Variants in HDAC9 observed in about 807,000 individuals in gnomAD.
HDAC9 encodes the protein MEF-2 interacting transcription repressor (MITR) protein.
HDAC9 carries 41 observed loss-of-function variants against 139.4 expected under a neutral mutation model. The observed-to-expected ratio is 0.29, with a 90% CI of 0.23 to 0.38. The LOEUF (loss-of-function observed/expected upper bound fraction) is 0.38. Among genes scored for constraint, HDAC9 ranks in the 10% least tolerant of loss-of-function variants. The pLI is 1.00. For synonymous variants in HDAC9, 517 were observed against 476.2 expected, an observed-to-expected ratio of 1.09 and a Z score of -1.12; for missense variants, 1,147 against 1,297.0, an observed-to-expected ratio of 0.88 and a Z score of 1.78.
At chr7:18,890,400 T>C (rs1800573784) in intron 22 of HDAC9, among the ~76,000 whole-genome samples, 1 of 152,254 alleles carries the variant, frequency 6.6e-6, no homozygotes, top group East Asian at 1.9e-4. Flanking sequence ...ACACGAGTCA[T>C]AGAGTTTTGG....
intron 1 of HDAC9, among the ~76,000 whole-genome samples, chr7:18,113,303 ATC>A (rs1291583255): frequency 6.6e-6 from 1 of 152,230 alleles, no homozygotes. Context: ...TGCTGATTTA[ATC>A]TCTGAACTAT....
chr7:18,609,533 A>G (rs1032142832), intron 6 of HDAC9, among the ~76,000 whole-genome samples: 7 of 152,162 alleles, frequency 4.6e-5, no homozygotes, highest in Admixed American at 1.3e-4. Flanking sequence ...CTGAGTTTGA[A>G]CACAAGTCTT....
intron 1 of HDAC9, among the ~76,000 whole-genome samples, chr7:18,477,177 A>G (rs1296379516): frequency 6.6e-6 from 1 of 152,156 alleles, no homozygotes; most frequent in Admixed American, 6.6e-5. Flanking sequence ...ATCCTTCATT[A>G]AACAGATTAA....
intron 12 of HDAC9, among the ~76,000 whole-genome samples, chr7:18,718,537 T>C (rs186911954): frequency 0.011 from 1,638 of 152,232 alleles, 26 homozygotes; most frequent in African/African-American, 0.037. Context: ...CTGGCAGGTG[T>C]GTGGTCTTTT....
intron 12 of HDAC9, among the ~76,000 whole-genome samples, chr7:18,677,366 A>G: frequency 6.7e-6 from 1 of 149,400 alleles, no homozygotes; most frequent in African/African-American, 2.5e-5. Flanking sequence ...GATATGCCAC[A>G]ATTTGTTTAT....
chr7:18,145,602 A>T (rs1786256470), intron 1 of HDAC9, among the ~76,000 whole-genome samples: 1 of 152,228 alleles, frequency 6.6e-6, no homozygotes, highest in Admixed American at 6.5e-5. Flanking sequence ...ATATATTAGT[A>T]CTATAACAAA....
chr7:18,840,153 C>T (rs188920251), intron 21 of HDAC9, among the ~76,000 whole-genome samples: 1 of 152,080 alleles, frequency 6.6e-6, no homozygotes, highest in Admixed American at 6.6e-5. Context: ...TTTAGCAGGT[C>T]TTAATGAAAT....
intron 2 of HDAC9, among the ~76,000 whole-genome samples, chr7:18,179,367 A>G (rs1388676018): frequency 6.6e-6 from 1 of 152,180 alleles, no homozygotes; most frequent in African/African-American, 2.4e-5. Flanking sequence ...TAATTCTTAA[A>G]CTACAAGGTA....
chr7:18,883,122 CTG>C (rs900342188), intron 22 of HDAC9, among the ~76,000 whole-genome samples: 3 of 152,106 alleles, frequency 2.0e-5, no homozygotes, highest in Non-Finnish European at 4.4e-5. Flanking sequence ...TGCCTAAAAA[CTG>C]TGCATTTTGT....
chr7:18,904,781 T>C (rs1233992931), intron 22 of HDAC9, among the ~76,000 whole-genome samples: 1 of 152,078 alleles, frequency 6.6e-6, no homozygotes, highest in African/African-American at 2.4e-5. Context: ...TTCACCATGT[T>C]AGCCAGGATG....
chr7:18,564,633 C>A (rs1821693438), intron 2 of HDAC9, among the ~76,000 whole-genome samples: 1 of 152,066 alleles, frequency 6.6e-6, no homozygotes, highest in African/African-American at 2.4e-5. Flanking sequence ...GTTTATATTT[C>A]TTCCAAGTAT....
intron 22 of HDAC9, among the ~76,000 whole-genome samples, chr7:18,883,832 A>G (rs1173911404): frequency 6.6e-6 from 1 of 152,150 alleles, no homozygotes; most frequent in African/African-American, 2.4e-5. Flanking sequence ...CAATAATTAA[A>G]TACAGTAAAC....
chr7:18,744,756 A>G (rs975462979), intron 13 of HDAC9, among the ~76,000 whole-genome samples: 5 of 152,218 alleles, frequency 3.3e-5, no homozygotes, highest in African/African-American at 1.2e-4. Context: ...GATGCTACAA[A>G]TACATTATCT....
At chr7:18,256,952 G>T (rs1362963562) in intron 2 of HDAC9, among the ~76,000 whole-genome samples, 1 of 151,884 alleles carries the variant, frequency 6.6e-6, no homozygotes, top group Non-Finnish European at 1.5e-5. Context: ...AACCAGGCAT[G>T]GTGGTGCATA....
chr7:18,804,365 A>G (rs1793536596), intron 17 of HDAC9, among the ~76,000 whole-genome samples: 2 of 152,214 alleles, frequency 1.3e-5, no homozygotes, highest in Admixed American at 1.3e-4. Context: ...ATGCATGTAC[A>G]CGTCCACCCT....
At chr7:18,259,614 C>T (rs1006132823) in intron 2 of HDAC9, among the ~76,000 whole-genome samples, 1 of 152,170 alleles carries the variant, frequency 6.6e-6, no homozygotes, top group African/African-American at 2.4e-5. Flanking sequence ...ATTCACCTAC[C>T]TCAGCCTCCC....
At chr7:18,809,378 C>A (rs1162040117) in intron 17 of HDAC9, among the ~76,000 whole-genome samples, 1 of 151,864 alleles carries the variant, frequency 6.6e-6, no homozygotes, top group Non-Finnish European at 1.5e-5. Flanking sequence ...GCAAAGAAAA[C>A]AATCGACAAA....
intron 21 of HDAC9, among the ~76,000 whole-genome samples, chr7:18,860,149 A>G (rs1024736837): frequency 3.3e-5 from 5 of 151,892 alleles, no homozygotes; most frequent in Non-Finnish European, 5.9e-5. Flanking sequence ...TTGGATAAAG[A>G]AAGTAATAAC....
chr7:18,092,295 T>C (rs1782213493), intron 1 of HDAC9, among the ~76,000 whole-genome samples: 1 of 151,842 alleles, frequency 6.6e-6, no homozygotes. Context: ...CAGGCTGAGG[T>C]GGGAGGATCA....
Sources: gnomAD v4.1 joint callset for allele counts (sites outside exome capture counted in the v4.1 genomes callset) on GRCh38, gnomAD v4.1.1 for gene constraint, MANE v1.5 for transcripts, NCBI Gene and HGNC (gene_info 2026-07-23, HGNC 2026-07-21) for gene names.